The following SIK3 variants were observed in gnomAD, a reference collection of about 807,000 sequenced individuals.
SIK3 encodes the protein SIK family kinase 3.
SIK3 carries 28 observed loss-of-function variants against 144.2 expected under a neutral mutation model. The ratio of observed to expected loss-of-function variants is 0.19; its 90% confidence interval spans 0.14 to 0.27. SIK3 has a LOEUF of 0.27. Among genes scored for constraint, SIK3 ranks in the 10% least tolerant of loss-of-function variants. The probability of loss-of-function intolerance (pLI) is 1.00; values close to 1 mark genes in which losing one functional copy is unlikely to be tolerated. For missense variants in SIK3, 1,319 were observed against 1,776.0 expected (o/e 0.74, Z 4.62); for synonymous variants, 686 against 676.3 (o/e 1.01, Z -0.22).
rs1388581941 is a variant in SIK3, at chr11:116,849,536, C to A, written c.3656-253G>T. On this transcript the variant is annotated intron_variant, in intron 21 of 24. Coordinates refer to ENST00000445177, the MANE Select transcript of SIK3 (RefSeq NM_001366686.3). This position sits in a 1 kb window ranked among gnomAD's most constrained non-coding sequence, Gnocchi z 4.2. Reference sequence around the variant, plus strand: ...CAGGGCATGGCTGGACCCCACCGAACCTTCTCTTCTTTCATTTCTCTGTTG... The same window carrying A: ...CAGGGCATGGCTGGACCCCACCGAAACTTCTCTTCTTTCATTTCTCTGTTG... Among the ~76,000 whole-genome samples, 1 of 152,150 alleles carries A rather than the reference C, an allele frequency of 6.6e-6. No homozygotes were observed. The highest frequency in any genetic ancestry group is 1.5e-5 in the Non-Finnish European group (1 of 68,016).
chr11:117,083,366 C>A (rs904130110), intron 1 of SIK3, among the ~76,000 whole-genome samples: 4 of 152,086 alleles, frequency 2.6e-5, no homozygotes, highest in Admixed American at 2.0e-4. Flanking sequence ...AGTACCATCC[C>A]AACATTTAAT....
intron 1 of SIK3, among the ~76,000 whole-genome samples, chr11:116,974,342 T>C (rs1949873462): frequency 6.6e-6 from 1 of 152,224 alleles, no homozygotes; most frequent in South Asian, 2.1e-4. Context: ...ACAACATTTC[T>C]TCACTAGACT....
At chr11:117,041,100 C>A (rs563726110) in intron 1 of SIK3, among the ~76,000 whole-genome samples, 1 of 151,902 alleles carries the variant, frequency 6.6e-6, no homozygotes, top group African/African-American at 2.4e-5. Context: ...TAATATTGCT[C>A]AAAGTGGAAT....
chr11:116,861,161 C>T (rs1193192618), intron 19 of SIK3, 113 bp downstream of exon 19: 3 of 858,394 alleles, frequency 3.5e-6, no homozygotes, highest in Non-Finnish European at 5.5e-6. Flanking sequence ...GTCCATACCC[C>T]TGAATACTAT....
intron 1 of SIK3, among the ~76,000 whole-genome samples, chr11:117,042,563 C>T (rs1181716617): frequency 6.6e-6 from 1 of 152,180 alleles, no homozygotes; most frequent in Non-Finnish European, 1.5e-5. Context: ...TTCAAAACAA[C>T]CTTGAGACAT....
intron 4 of SIK3, among the ~76,000 whole-genome samples, chr11:116,923,150 A>G (rs1403861790): frequency 6.6e-6 from 1 of 152,078 alleles, no homozygotes; most frequent in Non-Finnish European, 1.5e-5. Context: ...TCCTGACCTC[A>G]GGTGATCCAC....
intron 1 of SIK3, among the ~76,000 whole-genome samples, chr11:117,083,950 T>A (rs1387587635): frequency 6.6e-6 from 1 of 152,200 alleles, no homozygotes; most frequent in Non-Finnish European, 1.5e-5. Context: ...ATTACCAAAT[T>A]CAGCTCAGTT....
At chr11:116,918,273 C>G (rs1465681074) in intron 4 of SIK3, among the ~76,000 whole-genome samples, 1 of 152,128 alleles carries the variant, frequency 6.6e-6, no homozygotes, top group Non-Finnish European at 1.5e-5. Flanking sequence ...TTTCCAGATG[C>G]TTTGGTAGGT....
At chr11:117,023,042 G>A (rs1192673483) in intron 1 of SIK3, among the ~76,000 whole-genome samples, 1 of 152,146 alleles carries the variant, frequency 6.6e-6, no homozygotes, top group Non-Finnish European at 1.5e-5. Context: ...TTTAACCATT[G>A]GCAGATTGTA....
intron 4 of SIK3, among the ~76,000 whole-genome samples, chr11:116,914,367 G>C (rs1838757): frequency 0.78 from 119,023 of 151,968 alleles, 46,976 homozygotes; most frequent in East Asian, 0.87. Flanking sequence ...TGCCACCACA[G>C]CTGGCTGATT....
chr11:116,965,673 C>G (rs928350686), intron 1 of SIK3, among the ~76,000 whole-genome samples: 12 of 121,852 alleles, frequency 9.8e-5, no homozygotes, highest in African/African-American at 3.6e-4. Flanking sequence ...GCGGGCAGAT[C>G]ACTTGAAGTC....
intron 1 of SIK3, among the ~76,000 whole-genome samples, chr11:117,053,687 C>T (rs1591618510): frequency 7.1e-6 from 1 of 141,418 alleles, no homozygotes; most frequent in South Asian, 2.7e-4. Flanking sequence ...CAAGGTCTTA[C>T]TCTGTCACCC....
At chr11:116,853,887 T>C (rs752963642) in intron 21 of SIK3, among the ~76,000 whole-genome samples, 3 of 152,158 alleles carry the variant, frequency 2.0e-5, no homozygotes, top group Non-Finnish European at 4.4e-5. Context: ...GGCAGGGAGA[T>C]TACGGACAGC....
intron 1 of SIK3, among the ~76,000 whole-genome samples, chr11:117,061,150 G>C (rs1402841540): frequency 6.6e-6 from 1 of 152,160 alleles, no homozygotes; most frequent in East Asian, 1.9e-4. Flanking sequence ...AGGAGGCTGA[G>C]GCAGGAAGAT....
At chr11:116,979,259 G>C (rs757844544) in intron 1 of SIK3, among the ~76,000 whole-genome samples, 1 of 152,086 alleles carries the variant, frequency 6.6e-6, no homozygotes, top group Non-Finnish European at 1.5e-5. Flanking sequence ...TTACTAAAAG[G>C]GTTGAGGATC....
rs147550878 is a variant in SIK3 at position 117,062,369 on chromosome 11, A to T, written c.273+35774T>A. Among the ~76,000 whole-genome samples the T allele has an allele frequency of 4.4e-3, 676 of 152,308 alleles. 7 individuals carry two copies. The highest frequency in any genetic ancestry group is 0.015 in the African/African-American group (643 of 41,560). On this transcript the variant is annotated intron_variant, in intron 1 of 24. Coordinates refer to ENST00000445177, the MANE Select transcript of SIK3 (RefSeq NM_001366686.3). Reference sequence around the variant, plus strand: ...TTTCCTAAGAATTCTTAAAGTAAAAATATGTCAAATTTTGTCCTCCCCAAA... The same window carrying T: ...TTTCCTAAGAATTCTTAAAGTAAAATTATGTCAAATTTTGTCCTCCCCAAA...
chr11:117,095,720 T>G (rs1955446414), intron 1 of SIK3, among the ~76,000 whole-genome samples: 1 of 152,210 alleles, frequency 6.6e-6, no homozygotes, highest in African/African-American at 2.4e-5. Context: ...CCAGAGCACG[T>G]GACAACTCCT....
chr11:116,881,584 T>C (rs1460032806), intron 6 of SIK3, among the ~76,000 whole-genome samples: 1 of 152,090 alleles, frequency 6.6e-6, no homozygotes, highest in Non-Finnish European at 1.5e-5. Flanking sequence ...TTTCTCTAAG[T>C]GGTTACAACA....
At chr11:116,868,190 G>T in intron 14 of SIK3, 101 bp from the exon 15 acceptor site, 2 of 1,449,212 alleles carry the variant, frequency 1.4e-6, no homozygotes, top group Non-Finnish European at 1.9e-6. Context: ...ATGAAATAGT[G>T]CCAGAGCTCA....
Sources: gnomAD v4.1 joint callset for allele counts (sites outside exome capture counted in the v4.1 genomes callset) on GRCh38, gnomAD v4.1.1 for gene constraint, Gnocchi (gnomAD v3.1) non-coding constraint, MANE v1.5 for transcripts, NCBI Gene and HGNC (gene_info 2026-07-23, HGNC 2026-07-21) for gene names.